HSD17B12: variants seen among roughly 807,000 people sequenced by gnomAD.
The protein encoded by HSD17B12 is hydroxysteroid 17-beta dehydrogenase 12.
Under a neutral mutation model 39.3 loss-of-function variants are expected in HSD17B12, and 32 were observed. The ratio of observed to expected loss-of-function variants is 0.81; its 90% CI spans 0.61 to 1.09. The LOEUF is 1.09. Ranked by LOEUF, HSD17B12 falls within the 50% of genes least tolerant of loss-of-function variation. The pLI is 0.00. For synonymous variants in HSD17B12, 150 were observed against 146.7 expected (o/e 1.02, Z -0.16); for missense variants, 342 against 382.9 (o/e 0.89, Z 0.89).
the HSD17B12 span, among the ~76,000 whole-genome samples, chr11:43,653,440 G>A: frequency 6.6e-6 from 1 of 151,968 alleles, no homozygotes; most frequent in Non-Finnish European, 1.5e-5. Flanking sequence ...TAGGGTACAT[G>A]TGCACAACTT....
chr11:43,636,937 T>C, the HSD17B12 span, among the ~76,000 whole-genome samples: 3 of 152,194 alleles, frequency 2.0e-5, no homozygotes, highest in Non-Finnish European at 4.4e-5. Flanking sequence ...GTGTGTATCA[T>C]TGTGATTAAG....
the HSD17B12 span, among the ~76,000 whole-genome samples, chr11:43,567,360 G>C: frequency 6.6e-6 from 1 of 152,148 alleles, no homozygotes; most frequent in Non-Finnish European, 1.5e-5. Context: ...TGGAGCCCAA[G>C]AGTTGAACCT....
At chr11:43,723,550 G>A (rs1393342552) in intron 1 of HSD17B12, among the ~76,000 whole-genome samples, 21 of 152,092 alleles carry the variant, frequency 1.4e-4, no homozygotes, top group Non-Finnish European at 2.9e-5. Flanking sequence ...GTTAGTTAGT[G>A]GCATATTGCC....
At chr11:43,734,334 G>A in intron 1 of HSD17B12, 1 of 1,022,922 alleles carries the variant, frequency 9.8e-7, no homozygotes, top group Non-Finnish European at 1.5e-6. Context: ...GAAGCAGAGA[G>A]GGCCAGATCT....
intron 1 of HSD17B12, among the ~76,000 whole-genome samples, chr11:43,732,791 A>T (rs554524544): frequency 6.6e-6 from 1 of 152,178 alleles, no homozygotes; most frequent in South Asian, 2.1e-4. Flanking sequence ...TTAACTAATT[A>T]ATTAATTGAC....
chr11:43,733,913 A>T, intron 1 of HSD17B12: 2 of 689,740 alleles, frequency 2.9e-6, no homozygotes, highest in Non-Finnish European at 5.4e-6. Flanking sequence ...GTAGTAGGGG[A>T]AGGGACTCAC....
intron 1 of HSD17B12, among the ~76,000 whole-genome samples, chr11:43,713,620 TTGTAA>T (rs1223429725): frequency 6.6e-6 from 1 of 152,198 alleles, no homozygotes; most frequent in Non-Finnish European, 1.5e-5. Context: ...GCAGCATGAT[TTGTAA>T]TCCTTTGGGT....
At chr11:43,733,871 T>C in intron 1 of HSD17B12, 1 of 679,576 alleles carries the variant, frequency 1.5e-6, no homozygotes, top group Non-Finnish European at 2.7e-6. Flanking sequence ...AGAGCTGCGA[T>C]CTTTGACCAA....
chr11:43,683,373 A>G (rs1949769887), intron 1 of HSD17B12, among the ~76,000 whole-genome samples: 1 of 152,076 alleles, frequency 6.6e-6, no homozygotes, highest in Non-Finnish European at 1.5e-5. Context: ...TGACAGGTTC[A>G]ATTTACCCTG....
chr11:43,608,965 G>T, the HSD17B12 span, among the ~76,000 whole-genome samples: 5 of 152,046 alleles, frequency 3.3e-5, no homozygotes, highest in East Asian at 3.9e-4. Context: ...GCCTCACTCT[G>T]TCAGGCTGTA....
At chr11:43,682,769 CTTG>C (rs553627691) in intron 1 of HSD17B12, among the ~76,000 whole-genome samples, 54 of 148,166 alleles carry the variant, frequency 3.6e-4, no homozygotes, top group African/African-American at 1.2e-3. Flanking sequence ...ATGTTAATAA[CTTG>C]TTGTTTTCTT....
chr11:43,591,962 C>A, the HSD17B12 span, among the ~76,000 whole-genome samples: 1 of 152,000 alleles, frequency 6.6e-6, no homozygotes, highest in Non-Finnish European at 1.5e-5. Context: ...TTCATAAATT[C>A]ATTCCTTAAT....
chr11:43,677,231 A>G (rs957891326), upstream of HSD17B12, among the ~76,000 whole-genome samples: 5 of 152,126 alleles, frequency 3.3e-5, no homozygotes, highest in African/African-American at 1.2e-4. Flanking sequence ...CAAACTATGA[A>G]GTTAGCTGCA....
intron 1 of HSD17B12, among the ~76,000 whole-genome samples, chr11:43,697,888 A>G (rs973233848): frequency 3.3e-5 from 5 of 152,182 alleles, no homozygotes; most frequent in Non-Finnish European, 7.3e-5. Flanking sequence ...TGTTTATCCT[A>G]AGGACAGTGG....
At chr11:43,720,137 C>T (rs1406532744) in intron 1 of HSD17B12, among the ~76,000 whole-genome samples, 1 of 152,162 alleles carries the variant, frequency 6.6e-6, no homozygotes, top group Non-Finnish European at 1.5e-5. Flanking sequence ...TTTGATATCT[C>T]CCCAGAGACC....
the HSD17B12 span, among the ~76,000 whole-genome samples, chr11:43,672,651 G>C: frequency 6.6e-6 from 1 of 151,740 alleles, no homozygotes. Flanking sequence ...GGGTTCAAGA[G>C]AGCCTCAGTC....
chr11:43,642,234 G>A, the HSD17B12 span, among the ~76,000 whole-genome samples: 147,628 of 151,702 alleles, frequency 0.97, 71,959 homozygotes, highest in Middle Eastern at 1. Flanking sequence ...TCTAGAATAC[G>A]TTTATTTTCT....
the HSD17B12 span, among the ~76,000 whole-genome samples, chr11:43,624,946 A>G: frequency 6.6e-6 from 1 of 151,870 alleles, no homozygotes; most frequent in South Asian, 2.1e-4. Flanking sequence ...GATTATAAAA[A>G]GGGAGCTTAG....
intron 1 of HSD17B12, among the ~76,000 whole-genome samples, chr11:43,742,396 C>G (rs1950376278): frequency 6.6e-6 from 1 of 151,888 alleles, no homozygotes. Context: ...CCCACCTCAG[C>G]CTCCCAAAGT....
Sources: gnomAD v4.1 joint callset for allele counts (sites outside exome capture counted in the v4.1 genomes callset) on GRCh38, gnomAD v4.1.1 for gene constraint, MANE v1.5 for transcripts, NCBI Gene and HGNC (gene_info 2026-07-23, HGNC 2026-07-21) for gene names.